The following OR8B2 variants were observed in gnomAD, a reference collection of about 807,000 sequenced individuals.
OR8B2 encodes olfactory receptor 8B2.
For synonymous variants in OR8B2, 98 were observed against 138.2 expected, an observed-to-expected ratio of 0.71 and a Z score of 2.04; for missense variants, 304 against 379.6, an observed-to-expected ratio of 0.80 and a Z score of 1.65.
the OR8B2 span, among the ~76,000 whole-genome samples, chr11:124,391,031 C>T: frequency 2.0e-5 from 3 of 152,176 alleles, no homozygotes; most frequent in Non-Finnish European, 4.4e-5. Context: ...CCTTGGTCAA[C>T]AATCAATTGA....
chr11:124,396,227 T>C, the OR8B2 span: 6 of 582,286 alleles, frequency 1.0e-5, no homozygotes, highest in African/African-American at 1.1e-4. Context: ...TTTAGTAAAA[T>C]TGTGAGAAGT....
rs141423425 is a variant in OR8B2, at chr11:124,382,951, C to G, written c.393G>C (p.Leu131=). The G allele has an allele frequency of 6.2e-7, 1 of 1,611,794 alleles. No individual in the cohort carries two copies. The highest frequency in any genetic ancestry group is 1.3e-5 in the African/African-American group (1 of 74,772). Residue 131 remains leucine (L), a synonymous_variant, in exon 2 of 2, where the codon CTG becomes CTC. Transcript: ENST00000641451. The part of the protein sequence containing the change: ...DRYVAICNPL[L]YKVTMSHQVC... The stretch of plus-strand genomic sequence containing the variant: ...CCTGATGGGACATGGTGACCTTATA[C>G]AGCAATGGATTACAGATGGCCACAT...
At position 124,383,149 on chromosome 11, in the gene OR8B2, A is replaced by C. The variant is rs762854770; in HGVS notation, c.195T>G (p.Asn65Lys). The change falls in exon 2 of 2, where the codon AAT becomes AAG. Residue 65 changes from asparagine (N) to lysine (K), a missense_variant. Physicochemically the swap from Asn to Lys is moderately conservative, Grantham distance 94 (BLOSUM62 0). Transcript: ENST00000641451. Reference protein sequence around the residue: ...LHTPMYYFLFNLSFIDLCYSS... With the variant: ...LHTPMYYFLFKLSFIDLCYSS... ...AGTAACAGAGATCAATGAAGGAGAG[A>C]TTGAAGAGGAAATAGTACATTGGTG... 6.2e-7 allele frequency: 1 copy of C among 1,613,816 alleles called. No individual in the cohort carries two copies. The highest frequency in any genetic ancestry group is 8.5e-7 in the Non-Finnish European group (1 of 1,179,854).
chr11:124,392,807 T>C, the OR8B2 span, among the ~76,000 whole-genome samples: 1 of 150,602 alleles, frequency 6.6e-6, no homozygotes, highest in East Asian at 1.9e-4. Flanking sequence ...CATCACCAAG[T>C]CAATCCTAAG....
chr11:124,388,372 T>G (rs1172390603), upstream of OR8B2, among the ~76,000 whole-genome samples: 1 of 152,050 alleles, frequency 6.6e-6, no homozygotes, highest in Admixed American at 6.6e-5. Flanking sequence ...TTTTTGTCCA[T>G]TCAGTATGAT....
the OR8B2 span, chr11:124,397,143 T>C: frequency 6.2e-7 from 1 of 1,612,338 alleles, no homozygotes; most frequent in Non-Finnish European, 8.5e-7. Context: ...GTAACAGAGA[T>C]CAATGAAGGA....
chr11:124,388,735 A>G (rs187399538), upstream of OR8B2, among the ~76,000 whole-genome samples: 6 of 152,086 alleles, frequency 3.9e-5, no homozygotes, highest in African/African-American at 1.4e-4. Flanking sequence ...TGCCCATAGG[A>G]TTCCTCAGTC....
chr11:124,383,473 G>A (rs1269821227), intron 1 of OR8B2, 113 bp from the exon 2 acceptor site: 10 of 990,924 alleles, frequency 1.0e-5, no homozygotes, highest in African/African-American at 1.6e-5. Flanking sequence ...TGTTTCATGG[G>A]ATCTGAATGT....
At chr11:124,394,135 G>C in the OR8B2 span, among the ~76,000 whole-genome samples, 1 of 149,548 alleles carries the variant, frequency 6.7e-6, no homozygotes, top group East Asian at 2.0e-4. Context: ...GGGTTAGCAC[G>C]AGATATACTT....
the OR8B2 span, among the ~76,000 whole-genome samples, chr11:124,393,999 G>T: frequency 4.7e-5 from 7 of 148,696 alleles, no homozygotes; most frequent in Admixed American, 6.8e-5. Context: ...GTAAACTATC[G>T]CAAGAACAAA....
At chr11:124,394,212 C>T in the OR8B2 span, among the ~76,000 whole-genome samples, 3 of 150,832 alleles carry the variant, frequency 2.0e-5, no homozygotes, top group African/African-American at 7.3e-5. Flanking sequence ...TGTAACTAAC[C>T]TACACATTGT....
upstream of OR8B2, among the ~76,000 whole-genome samples, chr11:124,386,257 T>C (rs960260352): frequency 2.0e-5 from 3 of 151,944 alleles, no homozygotes; most frequent in Non-Finnish European, 4.4e-5. Flanking sequence ...CTTCATTTTT[T>C]TATTTTATTA....
upstream of OR8B2, among the ~76,000 whole-genome samples, chr11:124,385,328 C>A (rs1860680579): frequency 6.6e-6 from 1 of 152,130 alleles, no homozygotes; most frequent in Admixed American, 6.5e-5. Flanking sequence ...TTATTAGAAT[C>A]ACAAGAAGTG....
At chr11:124,387,109 G>GT (rs1207460245), upstream of OR8B2, among the ~76,000 whole-genome samples, 1 of 152,046 alleles carries the variant, frequency 6.6e-6, no homozygotes, top group Admixed American at 6.6e-5. Context: ...GGGGTTGTTT[G>GT]TTTTTTTCTT....
At position 124,383,153 on chromosome 11, in the gene OR8B2, A is replaced by T. The variant is rs754119236; in HGVS notation, c.191T>A (p.Phe64Tyr). The T allele has an allele frequency of 6.2e-7, 1 of 1,613,922 alleles. No homozygotes were observed. The highest frequency in any genetic ancestry group is 1.7e-5 in the Admixed American group (1 of 59,990). Reference sequence around the variant, plus strand: ...ACAGAGATCAATGAAGGAGAGATTGAAGAGGAAATAGTACATTGGTGTGTG... The same window carrying T: ...ACAGAGATCAATGAAGGAGAGATTGTAGAGGAAATAGTACATTGGTGTGTG... The part of the protein sequence containing the change: ...HLHTPMYYFL[F>Y]NLSFIDLCYS... The change falls in exon 2 of 2, where the codon TTC becomes TAC. Residue 64 changes from phenylalanine to tyrosine, a missense_variant. Coordinates refer to ENST00000641451, the MANE Select transcript of OR8B2 (RefSeq NM_001005468.2).
chr11:124,387,491 C>G (rs1860720368), upstream of OR8B2, among the ~76,000 whole-genome samples: 1 of 151,632 alleles, frequency 6.6e-6, no homozygotes, highest in Non-Finnish European at 1.5e-5. Context: ...AGCCAGTTTT[C>G]CCAGCACCAT....
At chr11:124,385,534 G>C (rs1860685420), upstream of OR8B2, among the ~76,000 whole-genome samples, 1 of 151,170 alleles carries the variant, frequency 6.6e-6, no homozygotes, top group Admixed American at 6.6e-5. Context: ...CTGTGTGTGT[G>C]TGTAGATCTA....
the OR8B2 span, among the ~76,000 whole-genome samples, chr11:124,394,215 C>A: frequency 6.6e-6 from 1 of 151,304 alleles, no homozygotes; most frequent in East Asian, 1.9e-4. Context: ...AACTAACCTA[C>A]ACATTGTGCA....
chr11:124,382,801 T>C lies in OR8B2; in HGVS notation c.543A>G (p.Ile181Met). The change falls in exon 2 of 2, where the codon ATA becomes ATG. Residue 181 changes from isoleucine to methionine, a missense_variant. Transcript: ENST00000641451. ...ANIINHYLCD[I>M]LPLLQLSCTS... ...TGCAGGAAAGCTGGAGGAGGGGGAG[T>C]ATGTCACACAAGTAATGGTTGATGA... 6.2e-7 allele frequency: 1 copy of C among 1,600,140 alleles called. No homozygotes were observed.
Sources: allele counts gnomAD v4.1 joint callset (sites outside exome capture counted in the v4.1 genomes callset), GRCh38; gene constraint gnomAD v4.1.1; transcripts MANE v1.5; gene names NCBI Gene and HGNC (gene_info 2026-07-23, HGNC 2026-07-21).